Variants in ACHE observed in about 807,000 individuals in gnomAD.
The protein encoded by ACHE is acetylcholinesterase (Yt blood group).
In ACHE, 19 loss-of-function variants were observed where a neutral mutation model predicts 53.9. That is an observed-to-expected ratio of 0.35 (90% CI 0.25 to 0.52). The LOEUF is 0.52. ACHE is among the 20% of genes least tolerant of loss of function. ACHE has a pLI of 0.95. For missense variants in ACHE, 605 were observed against 849.4 expected, an observed-to-expected ratio of 0.71 and a Z score of 3.58; for synonymous variants, 392 against 378.1, an observed-to-expected ratio of 1.04 and a Z score of -0.43.
intron 4 of ACHE, 71 bp downstream of exon 4, chr7:100,891,098 G>A (rs1790654877): frequency 6.5e-7 from 1 of 1,548,010 alleles, no homozygotes; most frequent in Non-Finnish European, 8.7e-7. Flanking sequence ...GCTAGGGGGA[G>A]AAGAGAGGGG....
intron 1 of ACHE, among the ~76,000 whole-genome samples, chr7:100,895,316 G>A (rs1349401022): frequency 2.0e-5 from 3 of 152,130 alleles, no homozygotes; most frequent in Non-Finnish European, 4.4e-5. Flanking sequence ...ATTATAACTC[G>A]GGGCTTCCGC....
At chr7:100,894,390 G>C in intron 1 of ACHE, 138 bp from the exon 2 acceptor site, 1 of 518,324 alleles carries the variant, frequency 1.9e-6, no homozygotes, top group East Asian at 3.3e-5. Flanking sequence ...AGGGGAGAGA[G>C]GGAGGGAGGG....
chr7:100,893,471 G>A lies in ACHE; in HGVS notation c.762C>T (p.His254=), dbSNP rs780317151. Residue 254 remains histidine, a synonymous_variant, in exon 2 of 5, where the codon CAC becomes CAT. Transcript: ENST00000241069. ...GGGCACCGCTCTGCAGCACGGCCCT[G>A]TGGAACAGGCCCCGGCTGGGCGGGG... ...LLSPPSRGLF[H]RAVLQSGAPN... is the part of the protein sequence containing the mutation. 6.2e-6 allele frequency: 10 copies of A among 1,607,768 alleles called. No homozygotes were observed. In the African/African-American group the frequency reaches 1.3e-4, roughly 21 times the overall value.
In ACHE at chr7:100,893,957, G is replaced by T; in HGVS notation, c.276C>A (p.Asp92Glu). ...AGCAGACACTCTGGAAGGTTGTAGC[G>T]TCTACCACCCCTGACCAAGGCTGCT... is the stretch of plus-strand genomic sequence containing the variant. ...EPKQPWSGVV[D>E]ATTFQSVCYQ... Residue 92 changes from aspartate to glutamate, a missense_variant, in exon 2 of 5, where the codon GAC (aspartate) becomes GAA (glutamate). This residue lies in a region of ACHE where 397 missense variants were observed against 632.5 expected (regional missense o/e 0.63). Transcript: ENST00000241069. 6.2e-7 allele frequency: 1 copy of T among 1,610,482 alleles called. No homozygotes were observed. Among genetic ancestry groups the T allele is most frequent in the Non-Finnish European group, 8.5e-7 (1 of 1,178,232 alleles).
Position 100,893,931 on chromosome 7 carries a change from T to C in ACHE, c.302A>G (p.Tyr101Cys). ...TGGGTATAGGGTGTCCACATATTGG[T>C]AGCAGACACTCTGGAAGGTTGTAGC... is the stretch of plus-strand genomic sequence containing the variant. ...VDATTFQSVCYQYVDTLYPGF... is the reference protein window; with the variant it reads ...VDATTFQSVCCQYVDTLYPGF... Residue 101 changes from tyrosine to cysteine, a missense_variant, in exon 2 of 5, where the codon TAC (tyrosine) becomes TGC (cysteine). Coordinates refer to ENST00000241069, the MANE Select transcript of ACHE (RefSeq NM_000665.5). 1 of 1,602,662 alleles carries C rather than the reference T, an allele frequency of 6.2e-7. No homozygotes were observed.
chr7:100,893,642 C>T lies in ACHE; in HGVS notation c.591G>A (p.Glu197=), dbSNP rs1457755767. Residue 197 remains glutamate (E), a synonymous_variant, in exon 2 of 5, where the codon GAG becomes GAA. Transcript: ENST00000241069. ...FGFLALPGSR[E]APGNVGLLDQ... ...CCAGGAGACCCACATTGCCCGGGGC[C>T]TCTCGGCTCCCCGGCAGGGCCAGGA... 2 of 1,613,126 alleles carry T rather than the reference C, an allele frequency of 1.2e-6. No individual in the cohort carries two copies. The highest frequency in any genetic ancestry group is 2.2e-5 in the East Asian group (1 of 44,896).
intron 3 of ACHE, among the ~76,000 whole-genome samples, chr7:100,891,750 T>A (rs1399815398): frequency 6.6e-6 from 1 of 151,640 alleles, no homozygotes; most frequent in East Asian, 1.9e-4. Context: ...TGGTTTGACT[T>A]AATCCAGCTC....
At position 100,892,197 on chromosome 7, in the gene ACHE, G is replaced by A. The variant is rs1790740395; in HGVS notation, c.1553+137C>T. 6 of 1,106,012 alleles carry A rather than the reference G, an allele frequency of 5.4e-6. No individual in the cohort carries two copies. The South Asian group carries it at 1.6e-4, about 30-fold the overall frequency. 68.5% of individuals were successfully genotyped at this position (1,106,012 alleles called of 1,614,324 possible). ...TTTTCTCTCCCCTTTTATCTACTTT[G>A]TGAGCATATCCCTCTCTGGCTGTTC... On this transcript the variant is annotated intron_variant, in intron 3 of 4. Coordinates refer to ENST00000241069, the MANE Select transcript of ACHE (RefSeq NM_000665.5). This position sits in a 1 kb window ranked among gnomAD's most constrained non-coding sequence, Gnocchi z 5.2.
At position 100,892,537 on chromosome 7, in the gene ACHE, A is replaced by G; in HGVS notation, c.1350T>C (p.Ala450=). 6.2e-7 allele frequency: 1 copy of G among 1,609,554 alleles called. No individual in the cohort carries two copies. Among genetic ancestry groups the G allele is most frequent in the Non-Finnish European group, 8.5e-7 (1 of 1,176,804 alleles). Residue 450 remains alanine, a synonymous_variant, in exon 3 of 5, where the codon GCT becomes GCC. Transcript: ENST00000241069. The surrounding 1 kb of genome is among the most constrained non-coding windows in gnomAD (Gnocchi z 5.2). ...AGGCGTAGACCCGGGCACCCTGGGC[A>G]GCCAGTCGCCCAGCCAGCTGGGCCA... ...CPVAQLAGRL[A]AQGARVYAYV...
chr7:100,895,284 C>T (rs1252293505), intron 1 of ACHE, among the ~76,000 whole-genome samples: 1 of 152,190 alleles, frequency 6.6e-6, no homozygotes, highest in Non-Finnish European at 1.5e-5. Flanking sequence ...TGGAGATTAA[C>T]TAGGAAACCC....
intron 2 of ACHE, 32 bp downstream of exon 2, chr7:100,893,133 A>C: frequency 6.2e-7 from 1 of 1,603,432 alleles, no homozygotes; most frequent in Non-Finnish European, 8.5e-7. Flanking sequence ...GACCCAGAGG[A>C]GCCAGCTTCA....
chr7:100,890,594 G>A, intron 4 of ACHE: 1 of 1,390,410 alleles, frequency 7.2e-7, no homozygotes, highest in Non-Finnish European at 9.3e-7. Context: ...GACGGGAACA[G>A]AGGGGACAGG....
In ACHE at chr7:100,894,140, A is replaced by G. The variant is rs1790884040; in HGVS notation, c.93T>C (p.Ala31=). The G allele has an allele frequency of 2.7e-6, 4 of 1,488,736 alleles. No individual in the cohort carries two copies. Among genetic ancestry groups the G allele is most frequent in the South Asian group, 2.7e-5 (2 of 73,664 alleles). 92.2% of individuals were successfully genotyped at this position (1,488,736 alleles called of 1,614,324 possible). A position where few individuals can be genotyped will look rare whatever the true frequency, so the allele number is the denominator to read the frequency against. The change falls in exon 2 of 5, where the codon GCT becomes GCC. Residue 31 remains alanine (A), a synonymous_variant. Transcript: ENST00000241069. ...LLWLLGGGVG[A]EGREDAELLV... is the part of the protein sequence containing the mutation. ...GCAGCTCTGCATCCTCCCGGCCCTC[A>G]GCCCCCACTCCTCCACCCAGGAGCC... is the stretch of plus-strand genomic sequence containing the variant.
In ACHE at chr7:100,894,092, C is replaced by A. The variant is rs368433352; in HGVS notation, c.141G>T (p.Arg47=). The change falls in exon 2 of 5, where the codon CGG becomes CGT. Residue 47 remains arginine, a synonymous_variant. Transcript: ENST00000241069. ...AELLVTVRGG[R]LRGIRLKTPG... is the part of the protein sequence containing the mutation. ...GGGTCTTCAGGCGAATGCCCCGCAGCCGGCCCCCACGCACCGTCACCAGCA... is the reference window on the plus strand; with the variant it reads ...GGGTCTTCAGGCGAATGCCCCGCAGACGGCCCCCACGCACCGTCACCAGCA... The A allele has an allele frequency of 3.3e-4, 511 of 1,526,076 alleles. No homozygotes were observed. The highest frequency in any genetic ancestry group is 4.4e-4 in the Non-Finnish European group (498 of 1,138,030). 94.5% of individuals were successfully genotyped at this position (1,526,076 alleles called of 1,614,324 possible).
rs1790745005 is a variant in ACHE, at chr7:100,892,256, T to A, written c.1553+78A>T. ...CCCTGTCCCACCCGTCCTTTCTGTC[T>A]CCGTGTGTCTGCCTTTGTGTGTCCT... On this transcript the variant is annotated intron_variant, in intron 3 of 4. Coordinates refer to ENST00000241069, the MANE Select transcript of ACHE (RefSeq NM_000665.5). The surrounding 1 kb of genome is among the most constrained non-coding windows in gnomAD (Gnocchi z 5.2). 1 of 1,448,792 alleles carries A rather than the reference T, an allele frequency of 6.9e-7. No homozygotes were observed. Among genetic ancestry groups the A allele is most frequent in the Non-Finnish European group, 9.1e-7 (1 of 1,095,686 alleles). The allele number at this position is 1,448,792 out of a possible 1,614,324, so 89.7% of individuals were successfully genotyped here.
chr7:100,894,365 A>T, intron 1 of ACHE, 113 bp from the exon 2 acceptor site: 14 of 584,634 alleles, frequency 2.4e-5, no homozygotes, highest in Admixed American at 3.9e-5. Flanking sequence ...GAGGTGGGGC[A>T]GGTTGGCAAA....
rs1227780932 is a variant in ACHE at position 100,892,525 on chromosome 7, G to A, written c.1362C>T (p.Ala454=). The change falls in exon 3 of 5, where the codon GCC becomes GCT. Residue 454 remains alanine, a synonymous_variant. Coordinates refer to ENST00000241069, the MANE Select transcript of ACHE (RefSeq NM_000665.5). The surrounding 1 kb of genome is among the most constrained non-coding windows in gnomAD (Gnocchi z 5.2). ...GTTCAAAGACGTAGGCGTAGACCCGGGCACCCTGGGCAGCCAGTCGCCCAG... is the reference window on the plus strand; with the variant it reads ...GTTCAAAGACGTAGGCGTAGACCCGAGCACCCTGGGCAGCCAGTCGCCCAG... The part of the protein sequence containing the change: ...QLAGRLAAQG[A]RVYAYVFEHR... The A allele has an allele frequency of 6.2e-7, 1 of 1,608,550 alleles. No individual in the cohort carries two copies. Among genetic ancestry groups the A allele is most frequent in the East Asian group, 2.2e-5 (1 of 44,722 alleles).
chr7:100,895,165 G>C (rs1302395040), intron 1 of ACHE, among the ~76,000 whole-genome samples: 2 of 152,100 alleles, frequency 1.3e-5, no homozygotes, highest in Non-Finnish European at 2.9e-5. Context: ...CTACGGTTCC[G>C]GCATCTCCAG....
chr7:100,894,421 G>A (rs917288899), intron 1 of ACHE, 169 bp from the exon 2 acceptor site: 6 of 484,130 alleles, frequency 1.2e-5, no homozygotes, highest in African/African-American at 1.0e-4. Context: ...GCAGAGACAA[G>A]GACACAGGCC....
Sources: allele counts gnomAD v4.1 joint callset (sites outside exome capture counted in the v4.1 genomes callset), GRCh38; gene constraint gnomAD v4.1.1; regional missense constraint gnomAD v4.1.1; non-coding constraint Gnocchi (gnomAD v3.1); transcripts MANE v1.5; gene names NCBI Gene and HGNC (gene_info 2026-07-23, HGNC 2026-07-21).